Variants in CAMTA1 observed in about 807,000 individuals in gnomAD.
CAMTA1 encodes the protein calmodulin-binding transcription activator 1.
A neutral mutation model predicts 170.9 loss-of-function variants in CAMTA1; 27 were observed. The ratio of observed to expected loss-of-function variants is 0.16; its 90% confidence interval spans 0.12 to 0.22. The LOEUF (loss-of-function observed/expected upper bound fraction) is 0.22, where lower values mean the gene tolerates loss of function less well. Ranked by LOEUF, CAMTA1 falls within the 10% of genes least tolerant of loss-of-function variation. The probability of loss-of-function intolerance (pLI) is 1.00; values close to 1 mark genes in which losing one functional copy is unlikely to be tolerated. For missense variants in CAMTA1, 1,619 were observed against 2,217.2 expected, an observed-to-expected ratio of 0.73 and a Z score of 5.42; for synonymous variants, 833 against 891.5, an observed-to-expected ratio of 0.93 and a Z score of 1.17.
chr1:7,011,072 G>A (rs573979827), intron 3 of CAMTA1, among the ~76,000 whole-genome samples: 119 of 152,334 alleles, frequency 7.8e-4, no homozygotes, highest in South Asian at 1.4e-3. Context: ...ACTGTCGTGC[G>A]TGGGAGCTCT....
At chr1:6,816,860 G>C (rs1645886023) in intron 1 of CAMTA1, among the ~76,000 whole-genome samples, 1 of 152,196 alleles carries the variant, frequency 6.6e-6, no homozygotes, top group African/African-American at 2.4e-5. Flanking sequence ...CCCAGTGTTT[G>C]GCACAGGGGT....
chr1:7,589,085 G>A (rs904665280), intron 6 of CAMTA1, among the ~76,000 whole-genome samples: 1 of 152,226 alleles, frequency 6.6e-6, no homozygotes, highest in Non-Finnish European at 1.5e-5. Context: ...GCTTAGCTGG[G>A]AAGGGAATTG....
chr1:7,404,223 G>A (rs949937804), intron 5 of CAMTA1, among the ~76,000 whole-genome samples: 9 of 152,168 alleles, frequency 5.9e-5, no homozygotes, highest in South Asian at 4.1e-4. Context: ...AGCTCGCCAC[G>A]CTCTGGACCC....
intron 5 of CAMTA1, among the ~76,000 whole-genome samples, chr1:7,404,504 C>T (rs1015547237): frequency 2.6e-5 from 4 of 152,262 alleles, no homozygotes; most frequent in South Asian, 4.1e-4. Context: ...CCTGTTGCCA[C>T]GCACAGAGCT....
intron 3 of CAMTA1, among the ~76,000 whole-genome samples, chr1:6,831,423 C>T (rs542335154): frequency 5.9e-5 from 9 of 152,202 alleles, no homozygotes; most frequent in Non-Finnish European, 8.8e-5. Flanking sequence ...TCTGAATTCA[C>T]AAATGACTAT....
chr1:7,658,159 C>G (rs1432531158), intron 7 of CAMTA1, among the ~76,000 whole-genome samples: 2 of 152,198 alleles, frequency 1.3e-5, no homozygotes, highest in African/African-American at 4.8e-5. Flanking sequence ...CCACAGACAG[C>G]CAAGTTCAAA....
intron 5 of CAMTA1, among the ~76,000 whole-genome samples, chr1:7,432,414 A>G (rs1384113000): frequency 6.6e-6 from 1 of 152,204 alleles, no homozygotes; most frequent in East Asian, 1.9e-4. Flanking sequence ...GTTTAACATA[A>G]TTTAGAGGAT....
At chr1:7,362,757 G>C (rs2085643376) in intron 5 of CAMTA1, among the ~76,000 whole-genome samples, 1 of 151,220 alleles carries the variant, frequency 6.6e-6, no homozygotes, top group Non-Finnish European at 1.5e-5. Context: ...TGGTGGACTT[G>C]AATAGAGTTA....
intron 5 of CAMTA1, among the ~76,000 whole-genome samples, chr1:7,464,918 G>A (rs1227347198): frequency 2.6e-5 from 4 of 152,030 alleles, no homozygotes; most frequent in African/African-American, 9.7e-5. Flanking sequence ...ACCTCTCGCC[G>A]AGGCCCTCAC....
chr1:7,192,344 G>T (rs1471882001), intron 4 of CAMTA1, among the ~76,000 whole-genome samples: 1 of 152,244 alleles, frequency 6.6e-6, no homozygotes, highest in African/African-American at 2.4e-5. Flanking sequence ...TTGGCCTTTG[G>T]TTGGGATAGC....
chr1:7,569,084 A>G (rs986086190), intron 6 of CAMTA1, among the ~76,000 whole-genome samples: 5 of 150,894 alleles, frequency 3.3e-5, no homozygotes, highest in African/African-American at 1.2e-4. Flanking sequence ...ACCATCATCA[A>G]CATCACCATC....
intron 5 of CAMTA1, among the ~76,000 whole-genome samples, chr1:7,453,543 C>A: frequency 6.6e-6 from 1 of 152,340 alleles, no homozygotes; most frequent in South Asian, 2.1e-4. Flanking sequence ...ATGCTGGAAC[C>A]CCCAGCTCTG....
intron 4 of CAMTA1, among the ~76,000 whole-genome samples, chr1:7,180,903 A>AAGT (rs1652015784): frequency 1.3e-5 from 2 of 152,218 alleles, no homozygotes; most frequent in African/African-American, 4.8e-5. Context: ...TCTTGAAAGT[A>AAGT]AGTACTACAT....
intron 3 of CAMTA1, among the ~76,000 whole-genome samples, chr1:6,908,507 G>T (rs565661296): frequency 6.6e-6 from 1 of 152,216 alleles, no homozygotes; most frequent in Non-Finnish European, 1.5e-5. Flanking sequence ...CTGGCAACGC[G>T]ATCACCTCCT....
chr1:7,204,284 T>C (rs975760362), intron 4 of CAMTA1, among the ~76,000 whole-genome samples: 1 of 152,176 alleles, frequency 6.6e-6, no homozygotes, highest in Non-Finnish European at 1.5e-5. Context: ...GATTTTTCTT[T>C]CTTAGTTTTT....
chr1:7,705,250 T>G (rs1288596549), intron 11 of CAMTA1, among the ~76,000 whole-genome samples: 1 of 143,308 alleles, frequency 7.0e-6, no homozygotes, highest in African/African-American at 2.6e-5. Context: ...CAGGGAGGGG[T>G]GCGTTTGGCC....
chr1:7,270,246 CA>C (rs1669536245), intron 5 of CAMTA1, among the ~76,000 whole-genome samples: 3 of 15,338 alleles, frequency 2.0e-4, no homozygotes, highest in Admixed American at 8.8e-4. Flanking sequence ...TATATACATA[CA>C]CACACACACA....
At chr1:7,284,305 G>T (rs1297853859) in intron 5 of CAMTA1, among the ~76,000 whole-genome samples, 1 of 151,666 alleles carries the variant, frequency 6.6e-6, no homozygotes, top group Non-Finnish European at 1.5e-5. Context: ...CCGGGTTCAA[G>T]CAATTCTCCT....
intron 5 of CAMTA1, among the ~76,000 whole-genome samples, chr1:7,350,194 C>G (rs558302087): frequency 6.6e-6 from 1 of 152,292 alleles, no homozygotes; most frequent in South Asian, 2.1e-4. Flanking sequence ...CATCCCCTGC[C>G]TCCCACCTGT....
Sources: gnomAD v4.1 joint callset for allele counts (sites outside exome capture counted in the v4.1 genomes callset) on GRCh38, gnomAD v4.1.1 for gene constraint, MANE v1.5 for transcripts, NCBI Gene and HGNC (gene_info 2026-07-23, HGNC 2026-07-21) for gene names.